Variants in DACH2 observed in about 807,000 individuals in gnomAD.
The protein encoded by DACH2 is dachshund family transcription factor 2, also known as dachshund homolog 2.
Under a neutral mutation model 35.8 loss-of-function variants are expected in DACH2, and 17 were observed. That is an observed-to-expected ratio of 0.48 (90% CI 0.33 to 0.71). DACH2 has a LOEUF of 0.71. DACH2 is among the 30% of genes least tolerant of loss of function. DACH2 has a pLI of 0.02. For synonymous variants in DACH2, 195 were observed against 177.3 expected (o/e 1.10, Z -0.79); for missense variants, 469 against 472.7 (o/e 0.99, Z 0.07).
chrX:86,166,011 A>G (rs185968595), intron 1 of DACH2, among the ~76,000 whole-genome samples: 1 of 111,664 alleles, frequency 9.0e-6, no homozygotes, highest in East Asian at 2.8e-4. Flanking sequence ...ATTTTTGCAT[A>G]TGGTGAGACA....
intron 10 of DACH2, 70 bp downstream of exon 10, chrX:86,814,904 G>A: frequency 6.7e-6 from 7 of 1,040,940 alleles, no homozygotes; most frequent in Non-Finnish European, 7.8e-6. Context: ...AATAGAAGAA[G>A]GAATAAAAAG....
chrX:86,608,160 GA>G (rs996112146), intron 3 of DACH2, among the ~76,000 whole-genome samples: 1 of 111,126 alleles, frequency 9.0e-6, no homozygotes, highest in Non-Finnish European at 1.9e-5. Flanking sequence ...AAAAGCACAT[GA>G]AAAAATGCTC....
intron 2 of DACH2, among the ~76,000 whole-genome samples, chrX:86,471,523 G>A (rs937261578): frequency 2.7e-5 from 3 of 111,223 alleles, no homozygotes; most frequent in African/African-American, 9.8e-5. Flanking sequence ...ATGAAGACCT[G>A]TTTACTAATA....
chrX:86,746,412 C>G (rs999072594), intron 7 of DACH2, among the ~76,000 whole-genome samples: 2 of 111,516 alleles, frequency 1.8e-5, no homozygotes, highest in African/African-American at 6.5e-5. Context: ...CTCTCCAACA[C>G]TTACTATTTT....
At chrX:86,265,416 G>T (rs1244283610) in intron 1 of DACH2, among the ~76,000 whole-genome samples, 2 of 111,585 alleles carry the variant, frequency 1.8e-5, no homozygotes, top group Non-Finnish European at 3.8e-5. Context: ...CACAGGTAAA[G>T]GGTGAAAGTT....
At chrX:86,206,671 A>T (rs1037814509) in intron 1 of DACH2, among the ~76,000 whole-genome samples, 1 of 112,131 alleles carries the variant, frequency 8.9e-6, no homozygotes, top group East Asian at 2.8e-4. Context: ...TAGCCTTGCT[A>T]AATCTCTTTC....
At chrX:86,420,324 A>G (rs1304053507) in intron 2 of DACH2, among the ~76,000 whole-genome samples, 1 of 112,250 alleles carries the variant, frequency 8.9e-6, no homozygotes, top group Admixed American at 9.5e-5. Flanking sequence ...AGAAATAATC[A>G]CTGATGACTT....
At chrX:86,477,555 A>G (rs1434881091) in intron 2 of DACH2, among the ~76,000 whole-genome samples, 2 of 108,064 alleles carry the variant, frequency 1.9e-5, no homozygotes, top group East Asian at 2.9e-4. Flanking sequence ...ATGTGTTTCT[A>G]TATAGGTGAA....
chrX:86,637,206 CAAAAAAAAAAAAAAAA>C (rs772970002), intron 3 of DACH2, among the ~76,000 whole-genome samples: 17 of 7,750 alleles, frequency 2.2e-3, no homozygotes, highest in East Asian at 5.2e-3. Flanking sequence ...ACTGAAAAGC[CAAAAAAAAAAAAAAAA>C]AAAAAAAAAA....
intron 1 of DACH2, among the ~76,000 whole-genome samples, chrX:86,365,660 A>G (rs1292649588): frequency 5.4e-5 from 6 of 111,564 alleles, no homozygotes; most frequent in Admixed American, 4.8e-4. Context: ...CCTGGAAAAA[A>G]TGAGCTTTTA....
chrX:86,792,603 C>A lies in DACH2; in HGVS notation c.1241-20253C>A, dbSNP rs189838643. On this transcript the variant is annotated intron_variant, in intron 7 of 11. Coordinates refer to ENST00000373125, the MANE Select transcript of DACH2 (RefSeq NM_053281.3). ...AACATGAGATGTTTTTTAGCTCCCA[C>A]ATATGGGTGATAGCATATAATATTT... Among the ~76,000 whole-genome samples the A allele has an allele frequency of 4.5e-5, 5 of 111,656 alleles. No individual in the cohort carries two copies. In the East Asian group the frequency reaches 1.4e-3, roughly 32 times the overall value.
chrX:86,502,190 T>C (rs2038261527), intron 2 of DACH2, among the ~76,000 whole-genome samples: 1 of 111,524 alleles, frequency 9.0e-6, no homozygotes, highest in South Asian at 3.7e-4. Context: ...AATTTAATGG[T>C]TTACAACAGG....
At chrX:86,258,417 G>A (rs753617676) in intron 1 of DACH2, among the ~76,000 whole-genome samples, 1 of 111,192 alleles carries the variant, frequency 9.0e-6, no homozygotes, top group East Asian at 2.8e-4. Context: ...TGACCAGTGA[G>A]GCAGATTAAA....
intron 5 of DACH2, among the ~76,000 whole-genome samples, chrX:86,695,515 CT>C (rs199928241): frequency 4.0e-4 from 40 of 99,444 alleles, no homozygotes; most frequent in Non-Finnish European, 1.8e-4. Flanking sequence ...GTTTTGAATT[CT>C]TTTTTTTTTT....
intron 1 of DACH2, among the ~76,000 whole-genome samples, chrX:86,248,656 T>C (rs370896451): frequency 6.3e-5 from 7 of 110,863 alleles, no homozygotes; most frequent in African/African-American, 2.0e-4. Context: ...TTCCTATCAA[T>C]CTACTAATAC....
chrX:86,181,293 G>A (rs1030792380), intron 1 of DACH2, among the ~76,000 whole-genome samples: 6 of 109,962 alleles, frequency 5.5e-5, no homozygotes, highest in African/African-American at 1.3e-4. Context: ...CCATCAACCC[G>A]TCATCTACAT....
intron 3 of DACH2, among the ~76,000 whole-genome samples, chrX:86,615,315 C>A (rs1369954889): frequency 9.0e-6 from 1 of 111,497 alleles, no homozygotes; most frequent in Non-Finnish European, 1.9e-5. Flanking sequence ...ATTATGACAA[C>A]ACTGTGAATG....
At chrX:86,500,367 C>T (rs960665722) in intron 2 of DACH2, among the ~76,000 whole-genome samples, 1 of 111,679 alleles carries the variant, frequency 9.0e-6, no homozygotes, top group Non-Finnish European at 1.9e-5. Flanking sequence ...ACATAGCAAG[C>T]TTTGAGAAAA....
chrX:86,514,215 GTGA>G, intron 2 of DACH2, 61 bp from the exon 3 acceptor site: 1 of 986,586 alleles, frequency 1.0e-6, no homozygotes, highest in Admixed American at 2.6e-5. Context: ...AATATTGCAA[GTGA>G]TGGTTTTCTC....
Sources: gnomAD v4.1 joint callset for allele counts (sites outside exome capture counted in the v4.1 genomes callset) on GRCh38, gnomAD v4.1.1 for gene constraint, MANE v1.5 for transcripts, NCBI Gene and HGNC (gene_info 2026-07-23, HGNC 2026-07-21) for gene names.